Variants in BTRC observed in about 807,000 individuals in gnomAD.
The protein encoded by BTRC is F-box/WD repeat-containing protein 1A.
In BTRC, 42 loss-of-function variants were observed where a neutral mutation model predicts 85.5. That is an observed-to-expected ratio of 0.49 (90% CI 0.38 to 0.64). The LOEUF is 0.64. Among genes scored for constraint, BTRC ranks in the 30% least tolerant of loss-of-function variants. The pLI, the probability that BTRC is intolerant of heterozygous loss-of-function variation, is 0.00. For missense variants in BTRC, 594 were observed against 743.5 expected, an observed-to-expected ratio of 0.80 and a Z score of 2.34; for synonymous variants, 255 against 263.3, an observed-to-expected ratio of 0.97 and a Z score of 0.30.
chr10:101,436,884 G>A (rs1944546516), intron 2 of BTRC, among the ~76,000 whole-genome samples: 1 of 152,102 alleles, frequency 6.6e-6, no homozygotes, highest in African/African-American at 2.4e-5. Context: ...TGTTAAAATG[G>A]AACAATACAG....
At chr10:101,365,762 C>T (rs1942355146) in intron 1 of BTRC, among the ~76,000 whole-genome samples, 1 of 152,134 alleles carries the variant, frequency 6.6e-6, no homozygotes, top group African/African-American at 2.4e-5. Context: ...TAGGCATGAG[C>T]CACCATGCCT....
chr10:101,378,634 C>G (rs941760838), intron 1 of BTRC, among the ~76,000 whole-genome samples: 2 of 151,514 alleles, frequency 1.3e-5, no homozygotes, highest in Non-Finnish European at 2.9e-5. Context: ...AAGCGATTCT[C>G]CTGCCTCAGC....
chr10:101,410,970 A>C (rs1039033505), intron 1 of BTRC, among the ~76,000 whole-genome samples: 9 of 151,506 alleles, frequency 5.9e-5, no homozygotes, highest in African/African-American at 2.2e-4. Flanking sequence ...ACAATTTTAA[A>C]AATATTGACA....
chr10:101,363,170 A>G (rs1256922984), intron 1 of BTRC, among the ~76,000 whole-genome samples: 3 of 152,158 alleles, frequency 2.0e-5, no homozygotes, highest in African/African-American at 7.2e-5. Context: ...TGTGAGATAG[A>G]TTCAGTATTA....
At chr10:101,505,860 A>C (rs1171083997) in intron 4 of BTRC, among the ~76,000 whole-genome samples, 1 of 151,966 alleles carries the variant, frequency 6.6e-6, no homozygotes, top group African/African-American at 2.4e-5. Context: ...AAAATGACTC[A>C]GATTTGATCC....
chr10:101,526,735 A>G (rs1419141021), intron 6 of BTRC, among the ~76,000 whole-genome samples: 1 of 152,188 alleles, frequency 6.6e-6, no homozygotes, highest in East Asian at 1.9e-4. Flanking sequence ...TCTTGCCTTT[A>G]TCTTATGCCT....
intron 1 of BTRC, among the ~76,000 whole-genome samples, chr10:101,395,587 T>G (rs1442934681): frequency 6.6e-6 from 1 of 152,188 alleles, no homozygotes; most frequent in Non-Finnish European, 1.5e-5. Flanking sequence ...ATTTCAGAAT[T>G]TGAAATAACA....
rs1254454280 is a variant in BTRC at position 101,556,695 on chromosome 10, G to C, written c.*3572G>C. 1 of 152,232 alleles carries C rather than the reference G, an allele frequency of 6.6e-6. No homozygotes were observed. Among genetic ancestry groups the C allele is most frequent in the African/African-American group, 2.4e-5 (1 of 41,452 alleles). 9.4% of individuals were successfully genotyped at this position (152,232 alleles called of 1,614,324 possible). ...GTCAGAATCCTTGGAGCTGAAGAGAGAAATCAAAAGAGCATGATGATGGCT... is the reference window on the plus strand; with the variant it reads ...GTCAGAATCCTTGGAGCTGAAGAGACAAATCAAAAGAGCATGATGATGGCT... On this transcript the variant is annotated 3_prime_UTR_variant, in exon 15 of 15. Transcript: ENST00000370187.
intron 1 of BTRC, among the ~76,000 whole-genome samples, chr10:101,417,437 C>T (rs1320020982): frequency 6.6e-6 from 1 of 152,110 alleles, no homozygotes; most frequent in Non-Finnish European, 1.5e-5. Context: ...GTATCTTCGA[C>T]AGGAATATCA....
intron 1 of BTRC, among the ~76,000 whole-genome samples, chr10:101,358,870 A>T (rs964740514): frequency 6.6e-6 from 1 of 152,166 alleles, no homozygotes; most frequent in Non-Finnish European, 1.5e-5. Context: ...AATAATGTCT[A>T]CCTATTGATA....
rs80328017 is a variant in BTRC at position 101,372,983 on chromosome 10, A to T, written c.48+18755A>T. Reference sequence around the variant, plus strand: ...TGAGATCTTAACACTATTGAGTTTCATAGTCCACAAAAATGATGTGTCTTT... The same window carrying T: ...TGAGATCTTAACACTATTGAGTTTCTTAGTCCACAAAAATGATGTGTCTTT... On this transcript the variant is annotated intron_variant, in intron 1 of 14. Transcript: ENST00000370187. Among the ~76,000 whole-genome samples the T allele has an allele frequency of 3.9e-5, 6 of 152,322 alleles. No individual in the cohort carries two copies. In the East Asian group the frequency reaches 1.2e-3, roughly 29 times the overall value.
At chr10:101,488,071 G>A (rs953522279) in intron 4 of BTRC, among the ~76,000 whole-genome samples, 3 of 152,066 alleles carry the variant, frequency 2.0e-5, no homozygotes, top group Non-Finnish European at 4.4e-5. Flanking sequence ...TGGGTTTTAA[G>A]CTTGATTTTT....
intron 13 of BTRC, among the ~76,000 whole-genome samples, chr10:101,550,486 G>A (rs2062632292): frequency 6.6e-6 from 1 of 151,962 alleles, no homozygotes; most frequent in South Asian, 2.1e-4. Flanking sequence ...GTTTCACTGT[G>A]TTAGCCAGGA....
chr10:101,363,022 G>A (rs1182188234), intron 1 of BTRC, among the ~76,000 whole-genome samples: 4 of 152,166 alleles, frequency 2.6e-5, no homozygotes, highest in African/African-American at 9.7e-5. Flanking sequence ...TTTGGTATCC[G>A]ATGGGAGGAT....
chr10:101,549,574 T>A (rs980872610), intron 13 of BTRC, among the ~76,000 whole-genome samples: 1 of 150,526 alleles, frequency 6.6e-6, no homozygotes, highest in African/African-American at 2.4e-5. Context: ...ATTAGCCAGG[T>A]GTGGTGGCAG....
At chr10:101,472,449 C>T (rs1290614336) in intron 3 of BTRC, among the ~76,000 whole-genome samples, 2 of 152,094 alleles carry the variant, frequency 1.3e-5, no homozygotes, top group Non-Finnish European at 2.9e-5. Flanking sequence ...GGATTATAGG[C>T]ATGAGCCACC....
chr10:101,408,394 C>G (rs1431355501), intron 1 of BTRC, among the ~76,000 whole-genome samples: 1 of 151,990 alleles, frequency 6.6e-6, no homozygotes, highest in Non-Finnish European at 1.5e-5. Context: ...GCAGCCTTGC[C>G]CTCCCAGCCT....
At chr10:101,480,582 A>C (rs1945807752) in intron 4 of BTRC, among the ~76,000 whole-genome samples, 1 of 152,148 alleles carries the variant, frequency 6.6e-6, no homozygotes, top group Non-Finnish European at 1.5e-5. Context: ...AATCCCACTT[A>C]CAAGGGGTCT....
chr10:101,425,676 G>A (rs1944233783), intron 1 of BTRC, among the ~76,000 whole-genome samples: 2 of 151,160 alleles, frequency 1.3e-5, no homozygotes, highest in African/African-American at 4.9e-5. Flanking sequence ...CAGGCGTGGT[G>A]GTGCACGCCT....
Sources: gnomAD v4.1 joint callset for allele counts (sites outside exome capture counted in the v4.1 genomes callset) on GRCh38, gnomAD v4.1.1 for gene constraint, MANE v1.5 for transcripts, NCBI Gene and HGNC (gene_info 2026-07-23, HGNC 2026-07-21) for gene names.